Variants in TMEM127 observed in about 807,000 individuals in gnomAD.
TMEM127 encodes transmembrane protein 127.
Under a neutral mutation model 20.1 loss-of-function variants are expected in TMEM127, and 21 were observed. The ratio of observed to expected loss-of-function variants is 1.04; its 90% CI spans 0.74 to 1.50. TMEM127 has a LOEUF of 1.50. Ranked by LOEUF, TMEM127 falls within the 40% of genes most tolerant of loss-of-function variation. The pLI, the probability that TMEM127 is intolerant of heterozygous loss-of-function variation, is 0.00. For synonymous variants in TMEM127, 150 were observed against 144.7 expected, an observed-to-expected ratio of 1.04 and a Z score of -0.26; for missense variants, 303 against 317.4, an observed-to-expected ratio of 0.95 and a Z score of 0.34.
rs1558756534 is a variant in TMEM127 at position 96,265,195 on chromosome 2, G to T, written c.187C>A (p.Arg63Ser). 1 of 1,608,744 alleles carries T rather than the reference G, an allele frequency of 6.2e-7. No homozygotes were observed. The highest frequency in any genetic ancestry group is 1.3e-5 in the African/African-American group (1 of 75,014). ...ACGTCGGAGACCCCCAGCTCCTGGCGCGAACAGGTGCCTCCGTGGATGTGC... is the reference window on the plus strand; with the variant it reads ...ACGTCGGAGACCCCCAGCTCCTGGCTCGAACAGGTGCCTCCGTGGATGTGC... Reference protein sequence around the residue: ...WLHIHGGTCSRQELGVSDVLG... With the variant: ...WLHIHGGTCSSQELGVSDVLG... The change falls in exon 2 of 4, where the codon CGC (arginine) becomes AGC (serine). Residue 63 changes from arginine (R) to serine (S), a missense_variant. Coordinates refer to ENST00000258439, the MANE Select transcript of TMEM127 (RefSeq NM_017849.4).
chr2:96,262,641 T>C (rs1684333166), intron 2 of TMEM127, among the ~76,000 whole-genome samples: 1 of 152,260 alleles, frequency 6.6e-6, no homozygotes, highest in African/African-American at 2.4e-5. Context: ...AATGTAAAGG[T>C]TAAGAAAACA....
rs1484437085 is a variant in TMEM127, at chr2:96,254,814, G to A, written c.409+19C>T. Reference sequence around the variant, plus strand: ...CCTGTAGCAGTTCCTCTCCCACTGTGAGCAGGCTCACGGCTTACCCGTTAG... The same window carrying A: ...CCTGTAGCAGTTCCTCTCCCACTGTAAGCAGGCTCACGGCTTACCCGTTAG... On this transcript the variant is annotated intron_variant, in intron 3 of 3. Coordinates refer to ENST00000258439, the MANE Select transcript of TMEM127 (RefSeq NM_017849.4). 1.1e-5 allele frequency: 17 copies of A among 1,613,686 alleles called. No homozygotes were observed. Among genetic ancestry groups the A allele is most frequent in the African/African-American group, 1.3e-5 (1 of 74,914 alleles).
Position 96,253,794 on chromosome 2 carries a change from G to A in TMEM127, c.*14C>T, listed in dbSNP as rs777296210. On this transcript the variant is annotated 3_prime_UTR_variant, in exon 4 of 4. Transcript: ENST00000258439. The surrounding 1 kb of genome is among the most constrained non-coding windows in gnomAD (Gnocchi z 4.3). ...GAGGGAGGGGCTGCCGAGGAAGAGAGCCCAGGGCTGGCATTAGGGTGTGTA... is the reference window on the plus strand; with the variant it reads ...GAGGGAGGGGCTGCCGAGGAAGAGAACCCAGGGCTGGCATTAGGGTGTGTA... The A allele has an allele frequency of 4.4e-6, 7 of 1,601,304 alleles. No individual in the cohort carries two copies. The South Asian group carries it at 7.8e-5, about 18-fold the overall frequency.
chr2:96,253,832 C>G lies in TMEM127; in HGVS notation c.693G>C (p.Gln231His), dbSNP rs755351925. The G allele has an allele frequency of 1.2e-6, 2 of 1,611,996 alleles. No individual in the cohort carries two copies. Among genetic ancestry groups the G allele is most frequent in the South Asian group, 2.2e-5 (2 of 91,054 alleles). ...PAEYEVINQF[Q>H]PPPAYTP ...ATTAGGGTGTGTAAGCAGGGGGTGG[C>G]TGGAACTGGTTGATGACCTCATATT... is the stretch of plus-strand genomic sequence containing the variant. Residue 231 changes from glutamine to histidine, a missense_variant, in exon 4 of 4, where the codon CAG becomes CAC. Gln to His is a conservative substitution (Grantham distance 24, BLOSUM62 0). Coordinates refer to ENST00000258439, the MANE Select transcript of TMEM127 (RefSeq NM_017849.4). The surrounding 1 kb of genome is among the most constrained non-coding windows in gnomAD (Gnocchi z 4.3).
intron 2 of TMEM127, 85 bp downstream of exon 2, chr2:96,265,053 G>C (rs1031949050): frequency 1.9e-6 from 3 of 1,578,074 alleles, no homozygotes; most frequent in African/African-American, 2.7e-5. Flanking sequence ...TCAACCAAGT[G>C]TCTGGTCCCT....
At chr2:96,265,055 C>T (rs1189925348) in intron 2 of TMEM127, 83 bp downstream of exon 2, 3 of 1,580,666 alleles carry the variant, frequency 1.9e-6, no homozygotes, top group Non-Finnish European at 2.6e-6. Context: ...AACCAAGTGT[C>T]TGGTCCCTGG....
intron 2 of TMEM127, among the ~76,000 whole-genome samples, chr2:96,263,284 C>G (rs375713717): frequency 4.5e-4 from 69 of 151,804 alleles, no homozygotes; most frequent in African/African-American, 1.6e-3. Context: ...GTCTCCAACT[C>G]TTGACCTCAG....
At chr2:96,264,709 G>A (rs533688843) in intron 2 of TMEM127, among the ~76,000 whole-genome samples, 1 of 152,248 alleles carries the variant, frequency 6.6e-6, no homozygotes, top group East Asian at 1.9e-4. Flanking sequence ...TCTCTAATAC[G>A]CATCCGATTA....
At chr2:96,258,132 T>C (rs903962752) in intron 2 of TMEM127, among the ~76,000 whole-genome samples, 9 of 152,180 alleles carry the variant, frequency 5.9e-5, no homozygotes, top group African/African-American at 2.2e-4. Flanking sequence ...CCCAAATCAC[T>C]GTGGCACTGG....
intron 2 of TMEM127, among the ~76,000 whole-genome samples, chr2:96,256,542 G>C (rs1431375387): frequency 1.4e-5 from 2 of 141,884 alleles, no homozygotes; most frequent in Admixed American, 1.5e-4. Context: ...TCACACTCCA[G>C]CATGGGCAAC....
In TMEM127 at chr2:96,253,118, T is replaced by G. The variant is rs1181604971; in HGVS notation, c.*690A>C. Reference sequence around the variant, plus strand: ...GGAGATGTAGTCCCCTTCACTCTGGTCCTTGATAGGCACCAGGGGGCCTCA... The same window carrying G: ...GGAGATGTAGTCCCCTTCACTCTGGGCCTTGATAGGCACCAGGGGGCCTCA... On this transcript the variant is annotated 3_prime_UTR_variant, in exon 4 of 4. Coordinates refer to ENST00000258439, the MANE Select transcript of TMEM127 (RefSeq NM_017849.4). The surrounding 1 kb of genome is among the most constrained non-coding windows in gnomAD (Gnocchi z 4.3). 1 of 233,214 alleles carries G rather than the reference T, an allele frequency of 4.3e-6. No individual in the cohort carries two copies. Among genetic ancestry groups the G allele is most frequent in the African/African-American group, 2.2e-5 (1 of 45,336 alleles). The allele number at this position is 233,214 out of a possible 1,614,324, so 14.4% of individuals were successfully genotyped here. A position where few individuals can be genotyped will look rare whatever the true frequency, so the allele number is the denominator to read the frequency against.
intron 3 of TMEM127, 132 bp from the exon 4 acceptor site, chr2:96,254,247 G>A: frequency 2.5e-6 from 3 of 1,210,184 alleles, no homozygotes; most frequent in Non-Finnish European, 3.5e-6. Context: ...GACTCTGCAA[G>A]GAGGAGCTCT....
Position 96,249,402 on chromosome 2 carries a change from G to C in TMEM127, c.*4406C>G, listed in dbSNP as rs1001410609. ...TGAGCCACCGCACCCGGCCAGAACT[G>C]ATCTTAATTCTCAAACCAGTAACCC... On this transcript the variant is annotated 3_prime_UTR_variant, in exon 4 of 4. Transcript: ENST00000258439. The C allele has an allele frequency of 1.4e-5, 3 of 219,952 alleles. No homozygotes were observed. The highest frequency in any genetic ancestry group is 6.7e-5 in the African/African-American group (3 of 44,594). 13.6% of individuals were successfully genotyped at this position (219,952 alleles called of 1,614,324 possible).
Position 96,253,449 on chromosome 2 carries a change from A to G in TMEM127, c.*359T>C. ...TCCCCTTTCCCTTGGGCCCTTTGAC[A>G]CTTGTTTTTGGGACTGTCCGCTCTC... is the stretch of plus-strand genomic sequence containing the variant. On this transcript the variant is annotated 3_prime_UTR_variant, in exon 4 of 4. Coordinates refer to ENST00000258439, the MANE Select transcript of TMEM127 (RefSeq NM_017849.4). This position sits in a 1 kb window ranked among gnomAD's most constrained non-coding sequence, Gnocchi z 4.3. The G allele has an allele frequency of 3.1e-6, 1 of 326,308 alleles. No individual in the cohort carries two copies. The highest frequency in any genetic ancestry group is 5.7e-6 in the Non-Finnish European group (1 of 174,710). 20.2% of individuals were successfully genotyped at this position (326,308 alleles called of 1,614,324 possible). A position where few individuals can be genotyped will look rare whatever the true frequency, so the allele number is the denominator to read the frequency against.
Position 96,253,234 on chromosome 2 carries a change from C to T in TMEM127, c.*574G>A, listed in dbSNP as rs1436749491. On this transcript the variant is annotated 3_prime_UTR_variant, in exon 4 of 4. Coordinates refer to ENST00000258439, the MANE Select transcript of TMEM127 (RefSeq NM_017849.4). The surrounding 1 kb of genome is among the most constrained non-coding windows in gnomAD (Gnocchi z 4.3). ...TGCAACTGCTCTGCCTTCCCAACAG[C>T]GATTCCCTCTCCCCATAAAACCAGG... 1.7e-5 allele frequency: 4 copies of T among 234,680 alleles called. No homozygotes were observed. The highest frequency in any genetic ancestry group is 1.2e-3 in the Middle Eastern group (1 of 808). The allele number at this position is 234,680 out of a possible 1,614,324, so 14.5% of individuals were successfully genotyped here.
Position 96,260,211 on chromosome 2 carries a change from C to A in TMEM127, c.244+4927G>T, listed in dbSNP as rs185393635. Among the ~76,000 whole-genome samples, 34 of 152,298 alleles carry A rather than the reference C, an allele frequency of 2.2e-4. 1 individual carries two copies. The Middle Eastern group carries it at 0.01, about 46-fold the overall frequency. Reference sequence around the variant, plus strand: ...TTCCTCAGAGGGTCTCAGAGCACACCGGAAGAACAGGCAGTTATCCTAGAC... The same window carrying A: ...TTCCTCAGAGGGTCTCAGAGCACACAGGAAGAACAGGCAGTTATCCTAGAC... On this transcript the variant is annotated intron_variant, in intron 2 of 3. Transcript: ENST00000258439.
chr2:96,253,675 T>A lies in TMEM127; in HGVS notation c.*133A>T, dbSNP rs890856077. ...TGGATGACCCTAAAGGCAGAGTCTC[T>A]CCTGGGGAAGGTTTGGAGAAGATGG... On this transcript the variant is annotated 3_prime_UTR_variant, in exon 4 of 4. Coordinates refer to ENST00000258439, the MANE Select transcript of TMEM127 (RefSeq NM_017849.4). This position sits in a 1 kb window ranked among gnomAD's most constrained non-coding sequence, Gnocchi z 4.3. 3 of 1,005,756 alleles carry A rather than the reference T, an allele frequency of 3.0e-6. No homozygotes were observed. The African/African-American group carries it at 4.9e-5, about 16-fold the overall frequency. The allele number at this position is 1,005,756 out of a possible 1,614,324, so 62.3% of individuals were successfully genotyped here.
At position 96,254,939 on chromosome 2, in the gene TMEM127, GA is replaced by G; in HGVS notation, c.302del (p.Phe101SerfsTer23). On this transcript the variant is annotated frameshift_variant, in exon 3 of 4. Transcript: ENST00000258439. LOFTEE classifies it high-confidence loss of function. ...LLLRVIAAFC[F>X]LGILCSLSAF... ...CGGAGAGACTACACAGGATGCCCAG[GA>G]AACAGAAGGCGGCGATGACCCGCAG... 1 of 1,614,250 alleles carries G rather than the reference GA, an allele frequency of 6.2e-7. No individual in the cohort carries two copies. Among genetic ancestry groups the G allele is most frequent in the Non-Finnish European group, 8.5e-7 (1 of 1,180,042 alleles).
At position 96,251,989 on chromosome 2, in the gene TMEM127, G is replaced by T. The variant is rs551671260; in HGVS notation, c.*1819C>A. 2.1e-5 allele frequency: 5 copies of T among 233,246 alleles called. No individual in the cohort carries two copies. Among genetic ancestry groups the T allele is most frequent in the Non-Finnish European group, 3.4e-5 (4 of 117,844 alleles). The allele number at this position is 233,246 out of a possible 1,614,324, so 14.4% of individuals were successfully genotyped here. ...CCAATGACAAACTCAGGACTTAACA[G>T]AAAGACTTAGTTCAGTTCCTTGGCT... is the stretch of plus-strand genomic sequence containing the variant. On this transcript the variant is annotated 3_prime_UTR_variant, in exon 4 of 4. Transcript: ENST00000258439.
Sources: allele counts gnomAD v4.1 joint callset (sites outside exome capture counted in the v4.1 genomes callset), GRCh38; gene constraint gnomAD v4.1.1; non-coding constraint Gnocchi (gnomAD v3.1); transcripts MANE v1.5; gene names NCBI Gene and HGNC (gene_info 2026-07-23, HGNC 2026-07-21).